The following HOMER1 variants were observed in gnomAD, a reference collection of about 807,000 sequenced individuals.
HOMER1 encodes the protein homer protein homolog 1.
In HOMER1, 3 loss-of-function variants were observed where a neutral mutation model predicts 48.9. The ratio of observed to expected loss-of-function variants is 0.06; its 90% CI spans 0.03 to 0.16. The LOEUF (loss-of-function observed/expected upper bound fraction) is 0.16, where lower values mean the gene tolerates loss of function less well. HOMER1 is among the 10% of genes least tolerant of loss of function. The probability of loss-of-function intolerance (pLI) is 1.00; values close to 1 mark genes in which losing one functional copy is unlikely to be tolerated. For synonymous variants in HOMER1, 134 were observed against 146.4 expected (o/e 0.92, Z 0.61); for missense variants, 247 against 411.4 (o/e 0.60, Z 3.46).
chr5:79,478,049 T>C (rs972492326), intron 1 of HOMER1, among the ~76,000 whole-genome samples: 7 of 152,182 alleles, frequency 4.6e-5, no homozygotes, highest in Non-Finnish European at 8.8e-5. Context: ...TAATTAGTCT[T>C]GGGAAGCAGA....
intron 1 of HOMER1, 64 bp from the exon 2 acceptor site, chr5:79,457,082 A>C: frequency 6.9e-7 from 1 of 1,439,458 alleles, no homozygotes; most frequent in East Asian, 2.3e-5. Context: ...AGACAAGAGA[A>C]CATGAAAACT....
chr5:79,410,183 T>C (rs959332605), intron 5 of HOMER1, among the ~76,000 whole-genome samples: 2 of 152,126 alleles, frequency 1.3e-5, no homozygotes, highest in African/African-American at 4.8e-5. Flanking sequence ...AATCTGTCTT[T>C]CTAGAGCAGT....
chr5:79,468,028 G>A (rs749729241), intron 1 of HOMER1, among the ~76,000 whole-genome samples: 3 of 151,840 alleles, frequency 2.0e-5, no homozygotes, highest in South Asian at 2.1e-4. Flanking sequence ...CTCACTTTTC[G>A]GCCTCCTAAA....
chr5:79,414,085 T>TA (rs953623410), intron 5 of HOMER1, among the ~76,000 whole-genome samples: 27 of 151,764 alleles, frequency 1.8e-4, no homozygotes, highest in African/African-American at 5.6e-4. Context: ...GTTCTTTTTT[T>TA]AAAAAAAAGT....
At chr5:79,389,391 A>T (rs976770937) in intron 8 of HOMER1, among the ~76,000 whole-genome samples, 13 of 152,220 alleles carry the variant, frequency 8.5e-5, no homozygotes, top group African/African-American at 3.1e-4. Flanking sequence ...CTTCAGAAAA[A>T]GGACTTAATG....
intron 3 of HOMER1, among the ~76,000 whole-genome samples, chr5:79,447,767 T>C (rs1453070727): frequency 6.6e-6 from 1 of 152,172 alleles, no homozygotes; most frequent in Non-Finnish European, 1.5e-5. Context: ...TTATTGTACA[T>C]GAAATGCTAA....
At chr5:79,455,942 G>T (rs960045938) in intron 2 of HOMER1, among the ~76,000 whole-genome samples, 31 of 152,164 alleles carry the variant, frequency 2.0e-4, no homozygotes, top group Non-Finnish European at 4.0e-4. Context: ...AGATCGAGAG[G>T]TCAGGAGTTC....
intron 1 of HOMER1, among the ~76,000 whole-genome samples, chr5:79,472,960 A>G (rs1334463903): frequency 2.0e-5 from 3 of 152,184 alleles, no homozygotes; most frequent in Non-Finnish European, 2.9e-5. Context: ...TCTCTGCAGT[A>G]TAGTTATTCT....
intron 8 of HOMER1, among the ~76,000 whole-genome samples, chr5:79,393,595 C>G (rs1749306792): frequency 6.6e-6 from 1 of 152,170 alleles, no homozygotes; most frequent in Non-Finnish European, 1.5e-5. Flanking sequence ...GTACCAATAT[C>G]CAGTGGGTAC....
At chr5:79,396,956 A>AAAACAAGACCTTCCCTT in intron 7 of HOMER1, 53 bp from the exon 8 acceptor site, 1 of 985,474 alleles carries the variant, frequency 1.0e-6, no homozygotes, top group Non-Finnish European at 1.6e-6. Context: ...AGGCAAGGGA[A>AAAACAAGACCTTCCCTT]GGTCTTGTTT....
At chr5:79,378,083 G>C (rs1184907210) in intron 8 of HOMER1, among the ~76,000 whole-genome samples, 1 of 152,080 alleles carries the variant, frequency 6.6e-6, no homozygotes, top group African/African-American at 2.4e-5. Flanking sequence ...AGCCAGGCGT[G>C]GTGGCAGGCA....
intron 1 of HOMER1, among the ~76,000 whole-genome samples, chr5:79,499,385 C>T (rs1170088268): frequency 6.6e-6 from 1 of 152,054 alleles, no homozygotes; most frequent in Non-Finnish European, 1.5e-5. Flanking sequence ...ATGAGAAGTA[C>T]TTTAATGTAT....
chr5:79,392,756 C>T (rs527351975), intron 8 of HOMER1, among the ~76,000 whole-genome samples: 1 of 152,264 alleles, frequency 6.6e-6, no homozygotes, highest in East Asian at 1.9e-4. Context: ...GAGCAACTTC[C>T]AGTCCTACAG....
intron 8 of HOMER1, among the ~76,000 whole-genome samples, chr5:79,387,320 G>C (rs1166768778): frequency 1.3e-5 from 2 of 151,838 alleles, no homozygotes; most frequent in East Asian, 1.9e-4. Context: ...GTGGAGATAG[G>C]GTCCTACTAT....
In HOMER1 at chr5:79,445,397, G is replaced by T. The variant is rs1407157393; in HGVS notation, c.387+1656C>A. ...TACTATTAAAAAGCTGAAAATAGTGGCATTCTATATTAATCATACAGTAAA... is the reference window on the plus strand; with the variant it reads ...TACTATTAAAAAGCTGAAAATAGTGTCATTCTATATTAATCATACAGTAAA... On this transcript the variant is annotated intron_variant, in intron 4 of 8. Coordinates refer to ENST00000334082, the MANE Select transcript of HOMER1 (RefSeq NM_004272.5). Among the ~76,000 whole-genome samples, 3 of 152,126 alleles carry T rather than the reference G, an allele frequency of 2.0e-5. No homozygotes were observed. The East Asian group carries it at 5.8e-4, about 29-fold the overall frequency.
chr5:79,381,228 A>C (rs1748962873), intron 8 of HOMER1, among the ~76,000 whole-genome samples: 4 of 152,202 alleles, frequency 2.6e-5, no homozygotes, highest in Admixed American at 2.6e-4. Flanking sequence ...TAAGAAAATC[A>C]CAGGTACTAT....
intron 8 of HOMER1, among the ~76,000 whole-genome samples, chr5:79,385,785 G>T (rs1749093153): frequency 7.3e-6 from 1 of 137,282 alleles, no homozygotes; most frequent in Non-Finnish European, 1.5e-5. Flanking sequence ...GGAGCTTGCA[G>T]TGAGCCGAGA....
intron 8 of HOMER1, among the ~76,000 whole-genome samples, chr5:79,379,366 A>T (rs1164067074): frequency 9.2e-6 from 1 of 108,878 alleles, no homozygotes; most frequent in African/African-American, 3.8e-5. Flanking sequence ...ATAAATATTT[A>T]TATATATTTA....
intron 6 of HOMER1, among the ~76,000 whole-genome samples, chr5:79,398,308 T>TACACAC (rs139315456): frequency 0.04 from 5,946 of 149,520 alleles, 141 homozygotes; most frequent in Admixed American, 0.066. Flanking sequence ...TCAATATAAA[T>TACACAC]ACACACACAC....
Sources: allele counts gnomAD v4.1 joint callset (sites outside exome capture counted in the v4.1 genomes callset), GRCh38; gene constraint gnomAD v4.1.1; transcripts MANE v1.5; gene names NCBI Gene and HGNC (gene_info 2026-07-23, HGNC 2026-07-21).